The following LRP1B variants were observed in gnomAD, a reference collection of about 807,000 sequenced individuals.
The protein encoded by LRP1B is LDL receptor related protein 1B.
LRP1B carries 217 observed loss-of-function variants against 556.6 expected under a neutral mutation model. The ratio of observed to expected loss-of-function variants is 0.39; its 90% CI spans 0.35 to 0.44. The LOEUF is 0.44. LRP1B is among the 20% of genes least tolerant of loss of function. The pLI is 1.00. For missense variants in LRP1B, 5,053 were observed against 5,620.8 expected (o/e 0.90, Z 3.23); for synonymous variants, 2,047 against 1,865.8 (o/e 1.10, Z -2.50).
chr2:141,064,907 T>C (rs940876771), intron 7 of LRP1B, among the ~76,000 whole-genome samples: 4 of 151,874 alleles, frequency 2.6e-5, no homozygotes, highest in African/African-American at 9.7e-5. Flanking sequence ...CTATAACATA[T>C]TTTTCCAAAT....
chr2:141,853,756 G>A (rs372727330), intron 1 of LRP1B, among the ~76,000 whole-genome samples: 58 of 151,988 alleles, frequency 3.8e-4, no homozygotes, highest in African/African-American at 1.3e-3. Flanking sequence ...CAAAAGTTTG[G>A]TAGTGAACAC....
chr2:140,496,053 T>C (rs901949473), intron 55 of LRP1B, among the ~76,000 whole-genome samples: 5 of 152,196 alleles, frequency 3.3e-5, no homozygotes, highest in African/African-American at 1.2e-4. Flanking sequence ...ACTTTCTACT[T>C]CTTTTCTTAT....
At chr2:141,476,942 G>A (rs1307819525) in intron 3 of LRP1B, among the ~76,000 whole-genome samples, 1 of 152,044 alleles carries the variant, frequency 6.6e-6, no homozygotes, top group African/African-American at 2.4e-5. Context: ...TGACCAACAT[G>A]GAGAAACTCC....
intron 3 of LRP1B, among the ~76,000 whole-genome samples, chr2:141,412,518 G>T (rs1438552806): frequency 6.6e-6 from 1 of 152,060 alleles, no homozygotes; most frequent in African/African-American, 2.4e-5. Flanking sequence ...CTATATAATA[G>T]TCATAATCAA....
chr2:141,267,428 G>C (rs300400), intron 3 of LRP1B, among the ~76,000 whole-genome samples: 1 of 152,042 alleles, frequency 6.6e-6, no homozygotes, highest in Non-Finnish European at 1.5e-5. Flanking sequence ...TAAATGCTGA[G>C]ATATGAGCCA....
chr2:141,063,071 A>G (rs1699385504), intron 7 of LRP1B, among the ~76,000 whole-genome samples: 1 of 151,840 alleles, frequency 6.6e-6, no homozygotes, highest in Non-Finnish European at 1.5e-5. Flanking sequence ...GTAAACACAA[A>G]TCAATTTTAA....
chr2:140,790,408 GAGCCTGGGC>G (rs1234840237), intron 32 of LRP1B, among the ~76,000 whole-genome samples: 1 of 152,178 alleles, frequency 6.6e-6, no homozygotes, highest in Non-Finnish European at 1.5e-5. Context: ...TTATCCGCCA[GAGCCTGGGC>G]AGCTGTTTCA....
At chr2:140,663,763 T>G (rs1434517064) in intron 41 of LRP1B, among the ~76,000 whole-genome samples, 2 of 152,218 alleles carry the variant, frequency 1.3e-5, no homozygotes, top group African/African-American at 4.8e-5. Context: ...AACCTTCTTT[T>G]GAATTTGCGA....
At chr2:141,494,286 G>A (rs773183631) in intron 2 of LRP1B, among the ~76,000 whole-genome samples, 1 of 152,112 alleles carries the variant, frequency 6.6e-6, no homozygotes, top group Non-Finnish European at 1.5e-5. Context: ...TCCTCTTTGT[G>A]CTAGAACTGA....
intron 83 of LRP1B, among the ~76,000 whole-genome samples, chr2:140,309,382 T>C (rs1033103051): frequency 4.6e-5 from 7 of 151,866 alleles, no homozygotes; most frequent in African/African-American, 1.2e-4. Context: ...GAAATAAGAT[T>C]GAAGCATTTT....
At chr2:141,201,638 T>A (rs1682026648) in intron 6 of LRP1B, among the ~76,000 whole-genome samples, 1 of 152,152 alleles carries the variant, frequency 6.6e-6, no homozygotes, top group African/African-American at 2.4e-5. Flanking sequence ...AATAACATTA[T>A]TGTACTTTTT....
At chr2:141,396,485 T>C (rs1003871861) in intron 3 of LRP1B, among the ~76,000 whole-genome samples, 3 of 152,192 alleles carry the variant, frequency 2.0e-5, no homozygotes, top group African/African-American at 7.2e-5. Flanking sequence ...TTACTTTTAG[T>C]GGCTATAGAT....
rs973101068 is a variant in LRP1B at position 140,475,336 on chromosome 2, A to T, written c.9427T>A (p.Tyr3143Asn). Residue 3143 changes from tyrosine (Y) to asparagine (N), a missense_variant and splice_region_variant, in exon 60 of 91, where the codon TAT (tyrosine) becomes AAT (asparagine). This residue lies in a region of LRP1B where 3,619 missense variants were observed against 3,931.9 expected (regional missense o/e 0.92). Coordinates refer to ENST00000389484, the MANE Select transcript of LRP1B (RefSeq NM_018557.3). The part of the protein sequence containing the change: ...RDLSLDPQAG[Y>N]LYWIDCCEYP... ...TCGCAGCAGTCAATCCAATACAAAT[A>T]TCTAGGAAAGAAAATCAATACTGAT... 1.3e-6 allele frequency: 2 copies of T among 1,580,862 alleles called. No individual in the cohort carries two copies. The highest frequency in any genetic ancestry group is 1.7e-6 in the Non-Finnish European group (2 of 1,160,666).
chr2:142,030,497 A>C (rs1174103247), intron 1 of LRP1B, among the ~76,000 whole-genome samples: 1 of 151,946 alleles, frequency 6.6e-6, no homozygotes, highest in African/African-American at 2.4e-5. Flanking sequence ...ATACTGAGAA[A>C]ATGATGAAAA....
chr2:140,737,071 G>T (rs1687972125), intron 35 of LRP1B, among the ~76,000 whole-genome samples: 1 of 152,076 alleles, frequency 6.6e-6, no homozygotes. Flanking sequence ...AAATAAACAA[G>T]GGAAGACAAG....
At chr2:142,026,249 A>T (rs1249148199) in intron 1 of LRP1B, among the ~76,000 whole-genome samples, 3 of 152,118 alleles carry the variant, frequency 2.0e-5, no homozygotes, top group Non-Finnish European at 2.9e-5. Context: ...CTTAAAGAAC[A>T]CATCTGTTAA....
At chr2:140,411,605 A>G (rs908988402) in intron 66 of LRP1B, among the ~76,000 whole-genome samples, 1 of 152,118 alleles carries the variant, frequency 6.6e-6, no homozygotes, top group Non-Finnish European at 1.5e-5. Context: ...TTAGTTGGTG[A>G]CAAAACCGCA....
At chr2:141,441,642 A>G (rs1396878248) in intron 3 of LRP1B, among the ~76,000 whole-genome samples, 2 of 152,226 alleles carry the variant, frequency 1.3e-5, no homozygotes, top group Non-Finnish European at 2.9e-5. Flanking sequence ...CCTAGCTTTT[A>G]CACATTATAC....
intron 84 of LRP1B, among the ~76,000 whole-genome samples, chr2:140,280,682 T>C (rs1682878464): frequency 1.3e-5 from 2 of 151,860 alleles, no homozygotes; most frequent in African/African-American, 4.8e-5. Context: ...AAATGGTTAC[T>C]GTGGCAAAAG....
Sources: allele counts gnomAD v4.1 joint callset (sites outside exome capture counted in the v4.1 genomes callset), GRCh38; gene constraint gnomAD v4.1.1; regional missense constraint gnomAD v4.1.1; transcripts MANE v1.5; gene names NCBI Gene and HGNC (gene_info 2026-07-23, HGNC 2026-07-21).